SGCZ: variants seen among roughly 807,000 people sequenced by gnomAD.
SGCZ encodes the protein sarcoglycan zeta.
SGCZ carries 40 observed loss-of-function variants against 41.3 expected under a neutral mutation model. The observed-to-expected ratio is 0.97, with a 90% CI of 0.75 to 1.26. The LOEUF is 1.26. Among genes scored for constraint, SGCZ ranks in the 50% most tolerant of loss-of-function variants. The pLI, the probability that SGCZ is intolerant of heterozygous loss-of-function variation, is 0.00. For missense variants in SGCZ, 552 were observed against 369.8 expected (o/e 1.49, Z -4.04); for synonymous variants, 206 against 137.5 (o/e 1.50, Z -3.49).
intron 1 of SGCZ, among the ~76,000 whole-genome samples, chr8:14,589,684 A>C (rs1390969137): frequency 2.0e-5 from 3 of 152,192 alleles, no homozygotes; most frequent in Non-Finnish European, 4.4e-5. Flanking sequence ...GAACATAGAT[A>C]TTTCCTTCAG....
intron 1 of SGCZ, among the ~76,000 whole-genome samples, chr8:14,572,612 T>G (rs1046993197): frequency 3.9e-5 from 6 of 152,154 alleles, no homozygotes; most frequent in African/African-American, 1.4e-4. Flanking sequence ...GGAGGAGGCT[T>G]TTGATTCCTG....
chr8:14,857,342 G>T (rs182468818), intron 1 of SGCZ, among the ~76,000 whole-genome samples: 1 of 151,938 alleles, frequency 6.6e-6, no homozygotes, highest in Non-Finnish European at 1.5e-5. Context: ...GTGAAAAAAC[G>T]AATACACTAG....
At chr8:14,182,915 C>T (rs1198710112) in intron 4 of SGCZ, among the ~76,000 whole-genome samples, 2 of 149,292 alleles carry the variant, frequency 1.3e-5, no homozygotes, top group Admixed American at 6.8e-5. Context: ...GAGGCTGAGA[C>T]AGGAGAATCG....
chr8:15,157,500 C>A (rs1408097926), intron 1 of SGCZ, among the ~76,000 whole-genome samples: 2 of 151,986 alleles, frequency 1.3e-5, no homozygotes, highest in Admixed American at 6.6e-5. Flanking sequence ...ACAATGACAA[C>A]AAGAACCATT....
chr8:14,952,907 C>T (rs994006348), intron 1 of SGCZ, among the ~76,000 whole-genome samples: 1 of 152,066 alleles, frequency 6.6e-6, no homozygotes, highest in African/African-American at 2.4e-5. Flanking sequence ...AAAACAGAGG[C>T]ACTTGGATTC....
rs111311699 is a variant in SGCZ at position 14,275,121 on chromosome 8, T to A, written c.337-37442A>T. The stretch of plus-strand genomic sequence containing the variant: ...AGGTGCTGAAAACATGTGTCCATAG[T>A]TATGCTGGTCAGAGCCGAAAGCCAG... On this transcript the variant is annotated intron_variant, in intron 3 of 7. Coordinates refer to ENST00000382080, the MANE Select transcript of SGCZ (RefSeq NM_139167.4). Among the ~76,000 whole-genome samples the A allele has an allele frequency of 4.8e-4, 73 of 152,302 alleles. 1 individual carries two copies. Among genetic ancestry groups the A allele is most frequent in the African/African-American group, 1.6e-3 (68 of 41,558 alleles).
At chr8:14,836,423 T>A (rs1475867022) in intron 1 of SGCZ, among the ~76,000 whole-genome samples, 2 of 152,180 alleles carry the variant, frequency 1.3e-5, no homozygotes, top group East Asian at 3.9e-4. Context: ...ACATTTTATT[T>A]CCCTGTCCCA....
At chr8:15,052,812 G>T (rs973568754) in intron 1 of SGCZ, among the ~76,000 whole-genome samples, 3 of 152,096 alleles carry the variant, frequency 2.0e-5, no homozygotes, top group Admixed American at 6.6e-5. Context: ...AATTTTCCAA[G>T]ATATTTGATT....
chr8:14,509,747 C>T (rs1802414078), intron 2 of SGCZ, among the ~76,000 whole-genome samples: 1 of 152,106 alleles, frequency 6.6e-6, no homozygotes, highest in Non-Finnish European at 1.5e-5. Flanking sequence ...TTAATCGACT[C>T]ACAGTTCCTC....
intron 5 of SGCZ, among the ~76,000 whole-genome samples, chr8:14,116,575 C>G (rs1277726631): frequency 6.6e-6 from 1 of 152,068 alleles, no homozygotes; most frequent in Non-Finnish European, 1.5e-5. Flanking sequence ...TGCATAGAGT[C>G]CAAATGAGAA....
chr8:14,450,568 C>G (rs1312707626), intron 2 of SGCZ, among the ~76,000 whole-genome samples: 2 of 152,144 alleles, frequency 1.3e-5, no homozygotes, highest in African/African-American at 4.8e-5. Flanking sequence ...AATGTATCAT[C>G]TGGAAATCAC....
chr8:14,227,606 T>A (rs1407754451), intron 4 of SGCZ, among the ~76,000 whole-genome samples: 1 of 152,086 alleles, frequency 6.6e-6, no homozygotes, highest in Non-Finnish European at 1.5e-5. Context: ...GATTAAATAT[T>A]TTAACCAAAG....
At chr8:14,521,225 A>G (rs1232271410) in intron 2 of SGCZ, among the ~76,000 whole-genome samples, 1 of 152,114 alleles carries the variant, frequency 6.6e-6, no homozygotes, top group Non-Finnish European at 1.5e-5. Flanking sequence ...CACCCACTCC[A>G]TGATCCCTGA....
At chr8:14,446,552 A>G (rs1437449756) in intron 2 of SGCZ, among the ~76,000 whole-genome samples, 1 of 152,228 alleles carries the variant, frequency 6.6e-6, no homozygotes, top group Non-Finnish European at 1.5e-5. Context: ...TTTCCATAAC[A>G]ATACTAAGTC....
intron 1 of SGCZ, among the ~76,000 whole-genome samples, chr8:14,904,477 A>G (rs1799066378): frequency 6.6e-6 from 1 of 152,082 alleles, no homozygotes; most frequent in African/African-American, 2.4e-5. Flanking sequence ...TATGTAAACT[A>G]GAATATACGA....
At chr8:14,191,129 AT>A (rs1235010524) in intron 4 of SGCZ, among the ~76,000 whole-genome samples, 1 of 152,030 alleles carries the variant, frequency 6.6e-6, no homozygotes, top group Non-Finnish European at 1.5e-5. Context: ...TGTATGAGTC[AT>A]TTTTATGTCT....
At chr8:14,972,650 T>C (rs1279828248) in intron 1 of SGCZ, among the ~76,000 whole-genome samples, 4 of 152,200 alleles carry the variant, frequency 2.6e-5, no homozygotes, top group Non-Finnish European at 5.9e-5. Context: ...GCCTACTTTC[T>C]TTAACTTTTT....
chr8:14,835,829 T>C (rs925973086), intron 1 of SGCZ, among the ~76,000 whole-genome samples: 1 of 152,204 alleles, frequency 6.6e-6, no homozygotes, highest in Non-Finnish European at 1.5e-5. Context: ...TGGGAAATGT[T>C]TTCAGTAGAA....
rs568152821 is a variant in SGCZ at position 14,260,613 on chromosome 8, C to A, written c.337-22934G>T. 1.4e-4 allele frequency among the ~76,000 whole-genome samples: 21 copies of A among 149,188 alleles called. 1 individual carries two copies. In the South Asian group the frequency reaches 1.7e-3, roughly 12 times the overall value. On this transcript the variant is annotated intron_variant, in intron 3 of 7. Transcript: ENST00000382080. ...CATTACTGGGTATATACCCAAAGGA[C>A]TATAAATCGTGCTGCTATAAAGACA...
Sources: gnomAD v4.1 joint callset for allele counts (sites outside exome capture counted in the v4.1 genomes callset) on GRCh38, gnomAD v4.1.1 for gene constraint, MANE v1.5 for transcripts, NCBI Gene and HGNC (gene_info 2026-07-23, HGNC 2026-07-21) for gene names.